GABRG2: variants seen among roughly 807,000 people sequenced by gnomAD.
GABRG2 encodes gamma-aminobutyric acid type A receptor subunit gamma2.
A neutral mutation model predicts 56.4 loss-of-function variants in GABRG2; 16 were observed. The observed-to-expected ratio is 0.28, with a 90% CI of 0.19 to 0.43. The LOEUF (loss-of-function observed/expected upper bound fraction) is 0.43. Among genes scored for constraint, GABRG2 ranks in the 20% least tolerant of loss-of-function variants. GABRG2 has a pLI of 1.00. For missense variants in GABRG2, 327 were observed against 582.7 expected (o/e 0.56, Z 4.52); for synonymous variants, 208 against 205.5 (o/e 1.01, Z -0.10).
In GABRG2 at chr5:162,153,408, G is replaced by C. The variant is rs771995505; in HGVS notation, c.*40G>C. The C allele has an allele frequency of 1.2e-5, 20 of 1,601,896 alleles. No homozygotes were observed. The South Asian group carries it at 2.1e-4, about 17-fold the overall frequency. ...TACTGATATGGTTCTTATTCACTGAGTCTCATGGAGAGATGTCTGTTCTAA... is the reference window on the plus strand; with the variant it reads ...TACTGATATGGTTCTTATTCACTGACTCTCATGGAGAGATGTCTGTTCTAA... On this transcript the variant is annotated 3_prime_UTR_variant, in exon 10 of 10. Transcript: ENST00000639213.
chr5:162,149,418 G>C, intron 8 of GABRG2, 105 bp downstream of exon 8: 1 of 1,011,124 alleles, frequency 9.9e-7, no homozygotes, highest in Middle Eastern at 2.0e-4. Context: ...TGGGCTCCAA[G>C]ATGAAAACAG....
chr5:162,096,071 A>G (rs563044558), intron 3 of GABRG2, among the ~76,000 whole-genome samples: 89 of 152,100 alleles, frequency 5.9e-4, no homozygotes, highest in African/African-American at 2.1e-3. Flanking sequence ...ACAACATAAC[A>G]TAAGGTAATA....
intron 3 of GABRG2, among the ~76,000 whole-genome samples, chr5:162,097,314 C>G (rs1208512225): frequency 1.3e-5 from 2 of 152,120 alleles, no homozygotes; most frequent in Non-Finnish European, 2.9e-5. Context: ...CCCGGGACAG[C>G]CCTCATGGCA....
At chr5:162,121,026 G>A (rs1272607642) in intron 6 of GABRG2, among the ~76,000 whole-genome samples, 1 of 152,154 alleles carries the variant, frequency 6.6e-6, no homozygotes, top group African/African-American at 2.4e-5. Context: ...GTGTTAATAA[G>A]TTTAAATTCT....
chr5:162,078,845 T>G (rs965687705), intron 1 of GABRG2, among the ~76,000 whole-genome samples: 7 of 151,962 alleles, frequency 4.6e-5, no homozygotes, highest in Non-Finnish European at 8.8e-5. Flanking sequence ...TGGAACGATA[T>G]TTAACTAAGT....
chr5:162,152,873 T>A, intron 9 of GABRG2: 1 of 611,940 alleles, frequency 1.6e-6, no homozygotes, highest in Admixed American at 2.8e-5. Flanking sequence ...ATTAGCTTGA[T>A]GATATTATTT....
rs927052860 is a variant in GABRG2 at position 162,071,009 on chromosome 5, T to C, written c.107+2903T>C. ...GTTGGGCAGAATGAATCAATTTAAC[T>C]TCAATCTTTTATTTGTATGTAAATC... On this transcript the variant is annotated intron_variant, in intron 1 of 9. Coordinates refer to ENST00000639213, the MANE Select transcript of GABRG2 (RefSeq NM_198904.4). 1.1e-3 allele frequency among the ~76,000 whole-genome samples: 103 copies of C among 90,000 alleles called. 1 individual carries two copies. Among genetic ancestry groups the C allele is most frequent in the Non-Finnish European group, 1.3e-3 (50 of 39,762 alleles). The allele number at this position is 90,000 out of a possible 152,430, so 59.0% of individuals were successfully genotyped here. A position where few individuals can be genotyped will look rare whatever the true frequency, so the allele number is the denominator to read the frequency against.
At chr5:162,106,490 C>T (rs210990) in intron 6 of GABRG2, among the ~76,000 whole-genome samples, 88,695 of 151,846 alleles carry the variant, frequency 0.58, 26,078 homozygotes, top group African/African-American at 0.63. Flanking sequence ...AGTTTTTGCT[C>T]GATATTTGCT....
intron 6 of GABRG2, among the ~76,000 whole-genome samples, chr5:162,114,759 A>C (rs1193913561): frequency 6.6e-6 from 1 of 152,198 alleles, no homozygotes; most frequent in Non-Finnish European, 1.5e-5. Context: ...TAACATAAGC[A>C]ATGTTAAGTT....
At chr5:162,128,739 G>C (rs1763514218) in intron 6 of GABRG2, among the ~76,000 whole-genome samples, 1 of 151,972 alleles carries the variant, frequency 6.6e-6, no homozygotes. Flanking sequence ...AATTGAAGAA[G>C]TTGGTATCTA....
intron 4 of GABRG2, 48 bp downstream of exon 4, chr5:162,097,906 C>T (rs759274537): frequency 2.8e-6 from 4 of 1,430,540 alleles, no homozygotes; most frequent in Non-Finnish European, 3.9e-6. Context: ...AGAAAACAAA[C>T]AAACACAAAA....
intron 6 of GABRG2, among the ~76,000 whole-genome samples, chr5:162,117,327 T>G (rs1277085224): frequency 6.6e-6 from 1 of 152,166 alleles, no homozygotes; most frequent in Non-Finnish European, 1.5e-5. Context: ...TAAGAAGCGA[T>G]AAACCAGAAT....
rs558957449 is a variant in GABRG2, at chr5:162,142,523, G to A, written c.922+207G>A. 5 of 521,706 alleles carry A rather than the reference G, an allele frequency of 9.6e-6. No homozygotes were observed. In the East Asian group the frequency reaches 1.9e-4, roughly 20 times the overall value. The allele number at this position is 521,706 out of a possible 1,614,324, so 32.3% of individuals were successfully genotyped here. On this transcript the variant is annotated intron_variant, in intron 7 of 9. Transcript: ENST00000639213. ...CCAAATGTCCATCAATGATAGACTG[G>A]ATTAAGAAAATGTGGCACATATACA...
chr5:162,078,369 CTATA>C (rs774147866), intron 1 of GABRG2, among the ~76,000 whole-genome samples: 1,128 of 53,848 alleles, frequency 0.021, 77 homozygotes, highest in East Asian at 0.064. Context: ...GAGCATCTTA[CTATA>C]TATATATATA....
intron 6 of GABRG2, among the ~76,000 whole-genome samples, chr5:162,124,185 C>T (rs210979): frequency 0.012 from 1,789 of 151,852 alleles, 42 homozygotes; most frequent in African/African-American, 0.04. Flanking sequence ...GGCTATATGG[C>T]GGAATGACCA....
chr5:162,125,749 C>T (rs1366412267), intron 6 of GABRG2, among the ~76,000 whole-genome samples: 1 of 151,334 alleles, frequency 6.6e-6, no homozygotes, highest in Non-Finnish European at 1.5e-5. Flanking sequence ...TAATGACCAA[C>T]CAAAAAACTT....
At chr5:162,132,151 T>C (rs1447833033) in intron 6 of GABRG2, among the ~76,000 whole-genome samples, 5 of 151,882 alleles carry the variant, frequency 3.3e-5, no homozygotes, top group Non-Finnish European at 5.9e-5. Flanking sequence ...GAGTCTCAGA[T>C]TGGTTACTTA....
chr5:162,146,884 G>A lies in GABRG2; in HGVS notation c.923-2224G>A, dbSNP rs190100644. Among the ~76,000 whole-genome samples, 306 of 152,260 alleles carry A rather than the reference G, an allele frequency of 2.0e-3. 2 individuals carry two copies. Among genetic ancestry groups the A allele is most frequent in the Non-Finnish European group, 9.1e-4 (62 of 68,032 alleles). Reference sequence around the variant, plus strand: ...AATTGCATAACAAGTACGTATTTAGGAAACTTTCATACTAAGCTACAACTA... The same window carrying A: ...AATTGCATAACAAGTACGTATTTAGAAAACTTTCATACTAAGCTACAACTA... On this transcript the variant is annotated intron_variant, in intron 7 of 9. Coordinates refer to ENST00000639213, the MANE Select transcript of GABRG2 (RefSeq NM_198904.4).
At position 162,067,796 on chromosome 5, in the gene GABRG2, TCTGCAAGCGTTTTTG is replaced by T; in HGVS notation, c.-200_-186del. 1.6e-6 allele frequency: 1 copy of T among 614,704 alleles called. No individual in the cohort carries two copies. The highest frequency in any genetic ancestry group is 2.9e-6 in the Non-Finnish European group (1 of 348,424). The allele number at this position is 614,704 out of a possible 1,614,324, so 38.1% of individuals were successfully genotyped here. On this transcript the variant is annotated 5_prime_UTR_variant, in exon 1 of 10. Coordinates refer to ENST00000639213, the MANE Select transcript of GABRG2 (RefSeq NM_198904.4). The stretch of plus-strand genomic sequence containing the variant: ...CTGCCAGAGTGACGCTTTGATGGTA[TCTGCAAGCGTTTTTG>T]CTGATCTTATCTCTGCCCCCTGAAT...
Sources: allele counts gnomAD v4.1 joint callset (sites outside exome capture counted in the v4.1 genomes callset), GRCh38; gene constraint gnomAD v4.1.1; transcripts MANE v1.5; gene names NCBI Gene and HGNC (gene_info 2026-07-23, HGNC 2026-07-21).